The following GRIN2B variants were observed in gnomAD, a reference collection of about 807,000 sequenced individuals.
GRIN2B encodes glutamate ionotropic receptor NMDA type subunit 2B.
GRIN2B carries 5 observed loss-of-function variants against 114.5 expected under a neutral mutation model. The ratio of observed to expected loss-of-function variants is 0.04; its 90% confidence interval spans 0.02 to 0.09. The LOEUF is 0.09. Ranked by LOEUF, GRIN2B falls within the 10% of genes least tolerant of loss-of-function variation. GRIN2B has a pLI of 1.00. For synonymous variants in GRIN2B, 787 were observed against 745.1 expected (o/e 1.06, Z -0.92); for missense variants, 1,108 against 1,943.5 (o/e 0.57, Z 8.08).
intron 3 of GRIN2B, among the ~76,000 whole-genome samples, chr12:13,797,318 C>T (rs1354611510): frequency 6.6e-6 from 1 of 152,162 alleles, no homozygotes; most frequent in Non-Finnish European, 1.5e-5. Flanking sequence ...AAATTCCCCA[C>T]CCCCTAATAC....
In GRIN2B at chr12:13,539,316, T is replaced by C. The variant is rs2136375913; in HGVS notation, c.*23467A>G. ...TTCTAAATGGTCTCTAGAAGGTCCT[T>C]TCCAGTACTAGGACTATAGGAGGAG... is the stretch of plus-strand genomic sequence containing the variant. On this transcript the variant is annotated 3_prime_UTR_variant, in exon 14 of 14. Coordinates refer to ENST00000609686, the MANE Select transcript of GRIN2B (RefSeq NM_000834.5). The C allele has an allele frequency of 6.6e-6, 1 of 152,356 alleles. No individual in the cohort carries two copies. The highest frequency in any genetic ancestry group is 2.1e-4 in the South Asian group (1 of 4,826). The allele number at this position is 152,356 out of a possible 1,614,324, so 9.4% of individuals were successfully genotyped here. A position where few individuals can be genotyped will look rare whatever the true frequency, so the allele number is the denominator to read the frequency against.
At chr12:13,651,490 T>A (rs1024067972) in intron 5 of GRIN2B, among the ~76,000 whole-genome samples, 1 of 152,144 alleles carries the variant, frequency 6.6e-6, no homozygotes, top group African/African-American at 2.4e-5. Context: ...ACTACCTTTA[T>A]ATTCAGCATA....
chr12:13,967,752 AG>A (rs796522330), intron 2 of GRIN2B, among the ~76,000 whole-genome samples: 34 of 152,268 alleles, frequency 2.2e-4, no homozygotes, highest in African/African-American at 8.2e-4. Context: ...GAGCAGGAAG[AG>A]GCCAGTGATT....
intron 3 of GRIN2B, among the ~76,000 whole-genome samples, chr12:13,854,335 C>A (rs770009460): frequency 1.3e-5 from 2 of 152,024 alleles, no homozygotes; most frequent in Admixed American, 1.3e-4. Context: ...CATGGTGAAA[C>A]CCTGTCTCTA....
intron 3 of GRIN2B, among the ~76,000 whole-genome samples, chr12:13,795,772 G>A (rs1446725160): frequency 5.3e-5 from 8 of 152,126 alleles, no homozygotes; most frequent in South Asian, 2.1e-4. Flanking sequence ...ATGAGTTCAC[G>A]TCCTTTGTAG....
At chr12:13,807,983 A>G (rs1864641982) in intron 3 of GRIN2B, among the ~76,000 whole-genome samples, 1 of 152,128 alleles carries the variant, frequency 6.6e-6, no homozygotes, top group Admixed American at 6.5e-5. Context: ...CCTAGAGACA[A>G]AGGATGATTC....
chr12:13,898,257 A>T (rs993543273), intron 2 of GRIN2B, among the ~76,000 whole-genome samples: 7 of 152,168 alleles, frequency 4.6e-5, no homozygotes, highest in Non-Finnish European at 2.9e-5. Flanking sequence ...AGCTTCTTAT[A>T]TTATTGATTA....
At chr12:13,578,105 A>T (rs564419870) in intron 10 of GRIN2B, among the ~76,000 whole-genome samples, 1 of 152,296 alleles carries the variant, frequency 6.6e-6, no homozygotes, top group Admixed American at 6.5e-5. Context: ...TCTTTTGTAG[A>T]GATAAGGTAT....
intron 4 of GRIN2B, among the ~76,000 whole-genome samples, chr12:13,749,980 T>A (rs1019884124): frequency 6.6e-6 from 1 of 152,112 alleles, no homozygotes; most frequent in African/African-American, 2.4e-5. Context: ...AAGGGAGACA[T>A]CCAAGAGATG....
intron 5 of GRIN2B, among the ~76,000 whole-genome samples, chr12:13,668,585 G>A (rs1949997399): frequency 1.3e-5 from 2 of 152,070 alleles, no homozygotes; most frequent in Non-Finnish European, 2.9e-5. Context: ...ATCTGGATGT[G>A]AGGGTCTGCA....
rs1376978301 is a variant in GRIN2B at position 13,659,631 on chromosome 12, T to TA, written c.1125+16113_1125+16114insT. The stretch of plus-strand genomic sequence containing the variant: ...TGTACCTATCACCTAGACAATTTTT[T>TA]TAAAAAAAAACTCTTATTCAATAAA... On this transcript the variant is annotated intron_variant, in intron 5 of 13. Transcript: ENST00000609686. 2.3e-3 allele frequency among the ~76,000 whole-genome samples: 353 copies of TA among 151,638 alleles called. 2 individuals are homozygous for TA. The highest frequency in any genetic ancestry group is 0.01 in the Middle Eastern group (3 of 294).
intron 3 of GRIN2B, among the ~76,000 whole-genome samples, chr12:13,754,156 GC>G (rs1370068502): frequency 6.6e-6 from 1 of 152,026 alleles, no homozygotes; most frequent in Admixed American, 6.5e-5. Context: ...GTCTATACTT[GC>G]CTTGTCTGAA....
chr12:13,627,228 T>C (rs1033892101), intron 5 of GRIN2B, among the ~76,000 whole-genome samples: 5 of 152,146 alleles, frequency 3.3e-5, no homozygotes, highest in African/African-American at 9.7e-5. Flanking sequence ...TTTATGGCTA[T>C]TCTGGGGGCT....
chr12:13,765,372 G>A (rs565228429), intron 3 of GRIN2B, among the ~76,000 whole-genome samples: 11 of 152,288 alleles, frequency 7.2e-5, no homozygotes, highest in Middle Eastern at 6.8e-3. Flanking sequence ...TACCTAAGCC[G>A]GTGAGTCCAG....
Position 13,665,309 on chromosome 12 carries a change from T to C in GRIN2B, c.1125+10436A>G, listed in dbSNP as rs150181712. Among the ~76,000 whole-genome samples the C allele has an allele frequency of 2.8e-3, 431 of 152,132 alleles. 3 individuals carry two copies. The highest frequency in any genetic ancestry group is 9.3e-3 in the African/African-American group (387 of 41,488). ...TATTTTTGCTAATCACAGAAAAATGTTACACTGAAATAGCCAGTCACAGTC... is the reference window on the plus strand; with the variant it reads ...TATTTTTGCTAATCACAGAAAAATGCTACACTGAAATAGCCAGTCACAGTC... On this transcript the variant is annotated intron_variant, in intron 5 of 13. Coordinates refer to ENST00000609686, the MANE Select transcript of GRIN2B (RefSeq NM_000834.5).
At chr12:13,585,395 G>C (rs1948906096) in intron 10 of GRIN2B, among the ~76,000 whole-genome samples, 1 of 152,176 alleles carries the variant, frequency 6.6e-6, no homozygotes, top group African/African-American at 2.4e-5. Flanking sequence ...GGAAATGCCA[G>C]CATGTGTACT....
chr12:13,876,128 C>T (rs186620015), intron 2 of GRIN2B, among the ~76,000 whole-genome samples: 18 of 152,194 alleles, frequency 1.2e-4, no homozygotes, highest in Admixed American at 4.6e-4. Context: ...TTAGAAGATC[C>T]TTATAATCTT....
At chr12:13,664,578 A>G (rs992223015) in intron 5 of GRIN2B, among the ~76,000 whole-genome samples, 4 of 152,186 alleles carry the variant, frequency 2.6e-5, no homozygotes, top group Admixed American at 6.5e-5. Context: ...CTCAAATACT[A>G]CAGTTGAAAT....
intron 3 of GRIN2B, among the ~76,000 whole-genome samples, chr12:13,772,302 C>A (rs1290725637): frequency 1.3e-5 from 2 of 152,218 alleles, no homozygotes; most frequent in Non-Finnish European, 2.9e-5. Flanking sequence ...CAATCTCTTT[C>A]TTCCCATGTG....
Sources: gnomAD v4.1 joint callset for allele counts (sites outside exome capture counted in the v4.1 genomes callset) on GRCh38, gnomAD v4.1.1 for gene constraint, MANE v1.5 for transcripts, NCBI Gene and HGNC (gene_info 2026-07-23, HGNC 2026-07-21) for gene names.